The following SOD2 variants were observed in gnomAD, a reference collection of about 807,000 sequenced individuals.
SOD2 encodes superoxide dismutase 2, also known as superoxide dismutase [Mn], mitochondrial.
In SOD2, 11 loss-of-function variants were observed where a neutral mutation model predicts 27.0. The ratio of observed to expected loss-of-function variants is 0.41; its 90% CI spans 0.26 to 0.67. SOD2 has a LOEUF of 0.67. SOD2 is among the 30% of genes least tolerant of loss of function. The pLI is 0.34. For missense variants in SOD2, 250 were observed against 274.5 expected (o/e 0.91, Z 0.63); for synonymous variants, 105 against 103.0 (o/e 1.02, Z -0.12).
At chr6:159,718,138 G>A (rs910038586) in intron 1 of SOD2, among the ~76,000 whole-genome samples, 1 of 151,872 alleles carries the variant, frequency 6.6e-6, no homozygotes, top group Non-Finnish European at 1.5e-5. Context: ...GACTATAGGC[G>A]CACACCACCA....
intron 1 of SOD2, among the ~76,000 whole-genome samples, chr6:159,719,915 G>C (rs186668155): frequency 6.4e-4 from 97 of 151,272 alleles, no homozygotes; most frequent in African/African-American, 2.3e-3. Flanking sequence ...GCAGAGACAG[G>C]GTTTCACCAT....
upstream of SOD2, among the ~76,000 whole-genome samples, chr6:159,729,792 TATG>T (rs542352097): frequency 3.9e-4 from 59 of 152,362 alleles, 1 homozygote; most frequent in East Asian, 0.011. Flanking sequence ...TACATTCAGC[TATG>T]ATTTGTTCGC....
At chr6:159,697,187 A>G (rs556941925), upstream of SOD2, among the ~76,000 whole-genome samples, 9 of 152,286 alleles carry the variant, frequency 5.9e-5, no homozygotes, top group Admixed American at 1.3e-4. Context: ...CCTATAAGGC[A>G]TTATTTCCAC....
chr6:159,733,772 C>T (rs893248746), intron 1 of SOD2, among the ~76,000 whole-genome samples: 2 of 151,376 alleles, frequency 1.3e-5, no homozygotes, highest in African/African-American at 4.9e-5. Flanking sequence ...GGAAGTTAGC[C>T]GGGCGTGGTG....
intron 1 of SOD2, chr6:159,712,943 T>C: frequency 1.6e-6 from 1 of 620,514 alleles, no homozygotes. Context: ...GTACCTGTGC[T>C]GCATATTAGC....
Position 159,753,327 on chromosome 6 carries a change from G to A in SOD2, c.-335-4651C>T, listed in dbSNP as rs754898556. ...AAGATGGATGTGTCCCAGAAAAGAA[G>A]ATGGTAATTATGGGGAAGCATCTGC... On this transcript the variant is annotated intron_variant, in intron 1 of 7. Coordinates refer to the SOD2 transcript ENST00000546087. 5 of 1,254,218 alleles carry A rather than the reference G, an allele frequency of 4.0e-6. No homozygotes were observed. The Admixed American group carries it at 1.1e-4, about 28-fold the overall frequency. 77.7% of individuals were successfully genotyped at this position (1,254,218 alleles called of 1,614,324 possible).
intron 1 of SOD2, among the ~76,000 whole-genome samples, chr6:159,723,482 C>T (rs1169790167): frequency 1.3e-5 from 2 of 152,228 alleles, no homozygotes; most frequent in African/African-American, 4.8e-5. Context: ...CATCTTGTAC[C>T]TTTCCCGTCC....
At chr6:159,712,386 CATA>C (rs2114825952) in intron 1 of SOD2, among the ~76,000 whole-genome samples, 2 of 124,044 alleles carry the variant, frequency 1.6e-5, no homozygotes, top group Admixed American at 8.0e-5. Flanking sequence ...TAACCACCTC[CATA>C]ACCACCACTC....
rs1777806176 is a variant in SOD2 at position 159,712,160 on chromosome 6, A to AT, written c.-116+14968_-116+14969insA. Among the ~76,000 whole-genome samples, 5 of 82,394 alleles carry AT rather than the reference A, an allele frequency of 6.1e-5. 2 individuals are homozygous for AT. The highest frequency in any genetic ancestry group is 1.4e-4 in the Non-Finnish European group (5 of 34,734). 54.1% of individuals were successfully genotyped at this position (82,394 alleles called of 152,430 possible). On this transcript the variant is annotated intron_variant, in intron 1 of 2. Transcript: ENST00000401980. ...CCATAACCACCACTCAGCTGCTCTG[A>AT]CCACCATAACCACCTCCACAACCAC...
intron 4 of SOD2, among the ~76,000 whole-genome samples, chr6:159,683,743 T>C (rs1780059515): frequency 6.6e-6 from 1 of 152,218 alleles, no homozygotes; most frequent in Non-Finnish European, 1.5e-5. Context: ...CATGCAGCTC[T>C]ACAAATAACC....
chr6:159,743,953 A>T (rs1417562343), intron 1 of SOD2, among the ~76,000 whole-genome samples: 1 of 152,158 alleles, frequency 6.6e-6, no homozygotes, highest in Non-Finnish European at 1.5e-5. Flanking sequence ...AAATTTTGAT[A>T]ATGTCTCATT....
At chr6:159,726,538 A>G (rs1443095790) in intron 1 of SOD2, 1 of 339,774 alleles carries the variant, frequency 2.9e-6, no homozygotes, top group East Asian at 8.3e-5. Context: ...AAGTGTTTAG[A>G]GACTGTTTCA....
Position 159,693,141 on chromosome 6 carries a change from T to C in SOD2, c.23+4A>G, listed in dbSNP as rs1470954923. On this transcript the variant is annotated splice_donor_region_variant and intron_variant, in intron 1 of 4. Coordinates refer to ENST00000538183, the MANE Select transcript of SOD2 (RefSeq NM_000636.4). ...GGCCGTGACCGGGTCCCCTTTCTTC[T>C]CACCCGCACACTGCCCGGCTCAACA... The C allele has an allele frequency of 6.5e-7, 1 of 1,532,784 alleles. No homozygotes were observed. The highest frequency in any genetic ancestry group is 8.8e-7 in the Non-Finnish European group (1 of 1,139,834). The allele number at this position is 1,532,784 out of a possible 1,614,324, so 94.9% of individuals were successfully genotyped here.
At chr6:159,701,915 A>G (rs1476532895) in intron 1 of SOD2, among the ~76,000 whole-genome samples, 1 of 152,148 alleles carries the variant, frequency 6.6e-6, no homozygotes, top group Non-Finnish European at 1.5e-5. Context: ...CGTCAGCCCA[A>G]GTGTGACCTT....
chr6:159,752,006 T>C (rs1484270296), intron 1 of SOD2, among the ~76,000 whole-genome samples: 1 of 148,566 alleles, frequency 6.7e-6, no homozygotes, highest in African/African-American at 2.5e-5. Context: ...AAGGCTCCAG[T>C]GAGCTGAGAT....
At chr6:159,689,442 T>C (rs1303945906) in intron 2 of SOD2, among the ~76,000 whole-genome samples, 1 of 152,164 alleles carries the variant, frequency 6.6e-6, no homozygotes, top group Non-Finnish European at 1.5e-5. Context: ...GTAGGCAAAA[T>C]AAAATAGTCT....
At chr6:159,728,093 G>A (rs898083924), upstream of SOD2, among the ~76,000 whole-genome samples, 5 of 152,182 alleles carry the variant, frequency 3.3e-5, no homozygotes, top group African/African-American at 1.2e-4. Context: ...AGTTCAGCAA[G>A]GAAAAAAAGA....
At position 159,693,218 on chromosome 6, in the gene SOD2, GC is replaced by G; in HGVS notation, c.-52del. 1 of 1,493,948 alleles carries G rather than the reference GC, an allele frequency of 6.7e-7. No individual in the cohort carries two copies. The highest frequency in any genetic ancestry group is 2.8e-5 in the East Asian group (1 of 36,168). The allele number at this position is 1,493,948 out of a possible 1,614,324, so 92.5% of individuals were successfully genotyped here. ...ATGCCGCCGATCTGCTGAAGCCGCTGCCGAAGCCACCACAGCCACGAGTGCC... is the reference window on the plus strand; with the variant it reads ...ATGCCGCCGATCTGCTGAAGCCGCTGCGAAGCCACCACAGCCACGAGTGCC... On this transcript the variant is annotated 5_prime_UTR_variant, in exon 1 of 5. Coordinates refer to ENST00000538183, the MANE Select transcript of SOD2 (RefSeq NM_000636.4).
chr6:159,678,555 C>A lies in SOD2; in HGVS notation c.*3938G>T, dbSNP rs1779828010. ...ATAAAAAAATAAATAAATGAAATAT[C>A]CTTTACAATAAATTAGTATTGTAAC... is the stretch of plus-strand genomic sequence containing the variant. On this transcript the variant is annotated 3_prime_UTR_variant, in exon 5 of 5. Coordinates refer to ENST00000538183, the MANE Select transcript of SOD2 (RefSeq NM_000636.4). 1 of 152,098 alleles carries A rather than the reference C, an allele frequency of 6.6e-6. No homozygotes were observed. The allele number at this position is 152,098 out of a possible 1,614,324, so 9.4% of individuals were successfully genotyped here. A position where few individuals can be genotyped will look rare whatever the true frequency, so the allele number is the denominator to read the frequency against.
Sources: gnomAD v4.1 joint callset for allele counts (sites outside exome capture counted in the v4.1 genomes callset) on GRCh38, gnomAD v4.1.1 for gene constraint, MANE v1.5 for transcripts, NCBI Gene and HGNC (gene_info 2026-07-23, HGNC 2026-07-21) for gene names.